RHOT1: variants seen among roughly 807,000 people sequenced by gnomAD.
The protein encoded by RHOT1 is mitochondrial Rho GTPase 1.
In RHOT1, 27 loss-of-function variants were observed where a neutral mutation model predicts 95.3. That is an observed-to-expected ratio of 0.28 (90% CI 0.21 to 0.39). The LOEUF (loss-of-function observed/expected upper bound fraction) is 0.39, where lower values mean the gene tolerates loss of function less well. Ranked by LOEUF, RHOT1 falls within the 10% of genes least tolerant of loss-of-function variation. RHOT1 has a pLI of 1.00. For missense variants in RHOT1, 578 were observed against 786.7 expected (o/e 0.73, Z 3.17); for synonymous variants, 227 against 263.5 (o/e 0.86, Z 1.34).
intron 12 of RHOT1, 150 bp downstream of exon 12, chr17:32,199,181 C>A: frequency 2.7e-6 from 2 of 750,728 alleles, no homozygotes; most frequent in South Asian, 2.0e-5. Flanking sequence ...ATATTTTCTG[C>A]TGTTTACCTT....
chr17:32,199,678 G>A, intron 13 of RHOT1, 128 bp downstream of exon 13: 1 of 649,368 alleles, frequency 1.5e-6, no homozygotes, highest in Non-Finnish European at 2.5e-6. Flanking sequence ...CTCTAAGCAA[G>A]ATTAGCTGCT....
intron 19 of RHOT1, among the ~76,000 whole-genome samples, chr17:32,214,512 G>A (rs1490381200): frequency 3.3e-5 from 5 of 152,140 alleles, no homozygotes; most frequent in Non-Finnish European, 5.9e-5. Flanking sequence ...TGAAAATAGA[G>A]GCCAAGGAAA....
intron 15 of RHOT1, 139 bp downstream of exon 15, chr17:32,203,039 T>C (rs1231759136): frequency 2.6e-6 from 2 of 776,754 alleles, no homozygotes; most frequent in East Asian, 2.7e-5. Flanking sequence ...AGTCTAAATG[T>C]AACAGTAATC....
At chr17:32,224,080 T>C (rs939152920) in intron 19 of RHOT1, among the ~76,000 whole-genome samples, 1 of 152,204 alleles carries the variant, frequency 6.6e-6, no homozygotes, top group Non-Finnish European at 1.5e-5. Flanking sequence ...CCCCTCCCCC[T>C]TCGGGTTTTT....
intron 16 of RHOT1, among the ~76,000 whole-genome samples, chr17:32,204,965 A>G (rs2037601106): frequency 2.0e-5 from 3 of 151,880 alleles, no homozygotes; most frequent in African/African-American, 7.3e-5. Flanking sequence ...CCTGGGCAAC[A>G]AAGTGAGACT....
intron 1 of RHOT1, among the ~76,000 whole-genome samples, chr17:32,146,508 C>T (rs1334504188): frequency 4.0e-5 from 6 of 151,510 alleles, no homozygotes; most frequent in South Asian, 2.1e-4. Flanking sequence ...TGCAGTGGCG[C>T]GATCTCGGCT....
intron 6 of RHOT1, among the ~76,000 whole-genome samples, chr17:32,178,380 C>T (rs896311885): frequency 4.6e-5 from 7 of 152,070 alleles, no homozygotes; most frequent in African/African-American, 9.7e-5. Context: ...TTGGTGGAGA[C>T]GGACTTTCGC....
chr17:32,209,366 G>T, intron 18 of RHOT1: 1 of 1,608,964 alleles, frequency 6.2e-7, no homozygotes, highest in South Asian at 1.1e-5. Context: ...TCATTACAGA[G>T]ACAGACTCTC....
At position 32,199,563 on chromosome 17, in the gene RHOT1, C is replaced by T. The variant is rs1226805417; in HGVS notation, c.1100+13C>T. The T allele has an allele frequency of 1.3e-6, 2 of 1,579,620 alleles. No individual in the cohort carries two copies. The highest frequency in any genetic ancestry group is 2.7e-5 in the African/African-American group (2 of 72,878). On this transcript the variant is annotated intron_variant, in intron 13 of 19. Coordinates refer to ENST00000545287, the MANE Select transcript of RHOT1 (RefSeq NM_001033566.3). ...TTTCCCAGTGGACGTGAGTATAGAG[C>T]TCACCTCTTTCCTCTAGAGTTACAA...
At chr17:32,207,969 T>C in intron 17 of RHOT1, 138 bp from the exon 18 acceptor site, 1 of 679,054 alleles carries the variant, frequency 1.5e-6, no homozygotes, top group East Asian at 2.7e-5. Flanking sequence ...CCACTGCCAA[T>C]CTTTGCCTTT....
At chr17:32,200,412 A>T (rs1375375107) in intron 13 of RHOT1, among the ~76,000 whole-genome samples, 1 of 152,026 alleles carries the variant, frequency 6.6e-6, no homozygotes, top group Admixed American at 6.6e-5. Flanking sequence ...TGGAGTAGAG[A>T]GAGGAATTAC....
intron 1 of RHOT1, 72 bp from the exon 2 acceptor site, chr17:32,170,971 T>C: frequency 1.0e-6 from 1 of 997,618 alleles, no homozygotes; most frequent in Non-Finnish European, 1.5e-6. Context: ...ACAGACTGCC[T>C]TATGTGGTTG....
chr17:32,196,088 A>G (rs1338644167), intron 11 of RHOT1, among the ~76,000 whole-genome samples: 1 of 151,726 alleles, frequency 6.6e-6, no homozygotes, highest in South Asian at 2.1e-4. Context: ...CTCTGCATCT[A>G]TCCTTCACAT....
intron 1 of RHOT1, among the ~76,000 whole-genome samples, chr17:32,157,251 C>G (rs945698971): frequency 9.9e-5 from 15 of 152,198 alleles, no homozygotes; most frequent in Non-Finnish European, 2.2e-4. Flanking sequence ...AATTTGTGCT[C>G]CTAACCACCA....
chr17:32,199,825 G>A (rs2037175985), intron 13 of RHOT1, among the ~76,000 whole-genome samples: 1 of 152,064 alleles, frequency 6.6e-6, no homozygotes, highest in Non-Finnish European at 1.5e-5. Context: ...TTTGATTAAG[G>A]GAATTGGAAA....
intron 19 of RHOT1, among the ~76,000 whole-genome samples, chr17:32,217,532 A>C (rs150973757): frequency 6.6e-6 from 1 of 151,948 alleles, no homozygotes; most frequent in Non-Finnish European, 1.5e-5. Flanking sequence ...CGAGGAGGGC[A>C]GATCACGAGG....
chr17:32,214,472 C>A (rs1406883485), intron 19 of RHOT1, among the ~76,000 whole-genome samples: 1 of 152,198 alleles, frequency 6.6e-6, no homozygotes, highest in Non-Finnish European at 1.5e-5. Context: ...CACCAGCTTG[C>A]AACCTCAGTC....
intron 19 of RHOT1, among the ~76,000 whole-genome samples, chr17:32,214,910 T>C (rs2038367634): frequency 7.6e-6 from 1 of 132,310 alleles, no homozygotes. Context: ...TTTTTTTTTT[T>C]TTTTTTTTTT....
Position 32,211,334 on chromosome 17 carries a change from C to A in RHOT1, c.1862+96C>A, listed in dbSNP as rs111547746. ...ATTATACAGATACTCACTACAAAGA[C>A]AAGCTGACTGATGCCCAACTAACTT... On this transcript the variant is annotated intron_variant, in intron 19 of 19. Transcript: ENST00000545287. 4 of 1,147,102 alleles carry A rather than the reference C, an allele frequency of 3.5e-6. No homozygotes were observed. The East Asian group carries it at 1.1e-4, about 31-fold the overall frequency. The allele number at this position is 1,147,102 out of a possible 1,614,324, so 71.1% of individuals were successfully genotyped here.
Sources: gnomAD v4.1 joint callset for allele counts (sites outside exome capture counted in the v4.1 genomes callset) on GRCh38, gnomAD v4.1.1 for gene constraint, MANE v1.5 for transcripts, NCBI Gene and HGNC (gene_info 2026-07-23, HGNC 2026-07-21) for gene names.